The following MRAS variants were observed in gnomAD, a reference collection of about 807,000 sequenced individuals.
MRAS encodes ras-related protein M-Ras.
In MRAS, 4 loss-of-function variants were observed where a neutral mutation model predicts 20.9. The ratio of observed to expected loss-of-function variants is 0.19; its 90% CI spans 0.09 to 0.44. The LOEUF (loss-of-function observed/expected upper bound fraction) is 0.44. Ranked by LOEUF, MRAS falls within the 20% of genes least tolerant of loss-of-function variation. MRAS has a pLI of 0.99. For missense variants in MRAS, 154 were observed against 277.5 expected (o/e 0.56, Z 3.16); for synonymous variants, 98 against 102.9 (o/e 0.95, Z 0.29).
At chr3:138,352,644 C>T (rs1447866348) in intron 1 of MRAS, among the ~76,000 whole-genome samples, 1 of 152,076 alleles carries the variant, frequency 6.6e-6, no homozygotes, top group East Asian at 1.9e-4. Context: ...GCTGAAGTGA[C>T]CTTCTGAGTC....
intron 2 of MRAS, among the ~76,000 whole-genome samples, chr3:138,381,833 T>C (rs2054911552): frequency 1.3e-5 from 2 of 152,176 alleles, no homozygotes; most frequent in South Asian, 2.1e-4. Context: ...ACCTGGCTTT[T>C]CCCCCACACA....
chr3:138,357,016 T>A (rs1411988865), intron 1 of MRAS, among the ~76,000 whole-genome samples: 15 of 152,258 alleles, frequency 9.9e-5, no homozygotes, highest in Non-Finnish European at 2.2e-4. Flanking sequence ...ACAAAGCCTT[T>A]GTTTTATTTC....
intron 2 of MRAS, among the ~76,000 whole-genome samples, chr3:138,376,430 G>T (rs2054784532): frequency 6.6e-6 from 1 of 152,166 alleles, no homozygotes. Flanking sequence ...ATGTCTGAGA[G>T]CAGGGACTTT....
chr3:138,365,197 T>C (rs772107524), intron 1 of MRAS, among the ~76,000 whole-genome samples: 3 of 152,240 alleles, frequency 2.0e-5, no homozygotes, highest in Non-Finnish European at 4.4e-5. Context: ...AATTAAAATA[T>C]TCCAACAGCA....
rs989353518 is a variant in MRAS, at chr3:138,373,979, C to T, written c.193+903C>T. On this transcript the variant is annotated intron_variant, in intron 2 of 5. Transcript: ENST00000423968. ...GTTTGTTTGTTTGTTTTTGGGGGGA[C>T]GGAGTCTCGCTCTGTCACCAGGTTG... 2.2e-4 allele frequency among the ~76,000 whole-genome samples: 34 copies of T among 151,314 alleles called. 1 individual carries two copies. Among genetic ancestry groups the T allele is most frequent in the Admixed American group, 9.2e-4 (14 of 15,182 alleles).
At chr3:138,350,059 T>C (rs988873614) in intron 1 of MRAS, 3 of 152,190 alleles carry the variant, frequency 2.0e-5, no homozygotes, top group African/African-American at 4.8e-5. Flanking sequence ...TTGTAATATA[T>C]TGTTTTATAA....
chr3:138,386,544 C>T (rs772610330), intron 2 of MRAS, among the ~76,000 whole-genome samples: 2 of 152,142 alleles, frequency 1.3e-5, no homozygotes, highest in Admixed American at 6.6e-5. Context: ...AGTGCAGTGG[C>T]GTGACCTTGG....
At chr3:138,388,786 C>G (rs541145270) in intron 2 of MRAS, among the ~76,000 whole-genome samples, 2 of 152,160 alleles carry the variant, frequency 1.3e-5, no homozygotes, top group East Asian at 1.9e-4. Context: ...ATTGTTTTCT[C>G]TATTGCTTGA....
intron 2 of MRAS, among the ~76,000 whole-genome samples, chr3:138,395,584 T>C (rs544725427): frequency 7.9e-5 from 12 of 152,324 alleles, no homozygotes; most frequent in Admixed American, 7.2e-4. Flanking sequence ...ATTTAGTCAC[T>C]GTTCAAATGT....
At chr3:138,398,441 A>T in intron 3 of MRAS, 28 bp from the exon 4 acceptor site, 1 of 1,602,366 alleles carries the variant, frequency 6.2e-7, no homozygotes, top group Non-Finnish European at 8.6e-7. Flanking sequence ...TGGAAACCTC[A>T]CAGAGCTGCT....
At chr3:138,389,672 TC>T (rs2055089602) in intron 2 of MRAS, among the ~76,000 whole-genome samples, 1 of 151,784 alleles carries the variant, frequency 6.6e-6, no homozygotes, top group Admixed American at 6.6e-5. Flanking sequence ...ACACCCTTCT[TC>T]CTGGTGCATG....
intron 1 of MRAS, among the ~76,000 whole-genome samples, chr3:138,363,596 G>A (rs1346266558): frequency 5.9e-5 from 9 of 152,144 alleles, no homozygotes; most frequent in Non-Finnish European, 1.3e-4. Context: ...GGTATCTCTA[G>A]TTCCCAGGAC....
intron 1 of MRAS, among the ~76,000 whole-genome samples, chr3:138,362,391 C>A (rs776178626): frequency 1.3e-5 from 2 of 152,166 alleles, no homozygotes; most frequent in African/African-American, 4.8e-5. Context: ...AACCCTCCCC[C>A]ACAACTTTCT....
chr3:138,359,363 C>T (rs150079214), intron 1 of MRAS, among the ~76,000 whole-genome samples: 7 of 152,298 alleles, frequency 4.6e-5, no homozygotes, highest in Non-Finnish European at 8.8e-5. Flanking sequence ...ATCTCACACT[C>T]ATTGCCATGC....
intron 1 of MRAS, among the ~76,000 whole-genome samples, chr3:138,362,109 G>A (rs1199942085): frequency 6.6e-6 from 1 of 152,152 alleles, no homozygotes; most frequent in Non-Finnish European, 1.5e-5. Context: ...AGGCCAGGTG[G>A]CCAAGTAGCA....
intron 4 of MRAS, 69 bp downstream of exon 4, chr3:138,398,637 G>A (rs1450999701): frequency 7.3e-7 from 1 of 1,377,482 alleles, no homozygotes; most frequent in Admixed American, 1.8e-5. Flanking sequence ...CACCCCTGCA[G>A]TCCTGGTCTT....
intron 2 of MRAS, among the ~76,000 whole-genome samples, chr3:138,384,891 TGA>T (rs1309406719): frequency 4.6e-5 from 7 of 152,292 alleles, no homozygotes; most frequent in Admixed American, 2.0e-4. Context: ...CTAAGCTGCA[TGA>T]GAGACCGGCC....
chr3:138,364,644 G>C (rs530427677), intron 1 of MRAS, among the ~76,000 whole-genome samples: 7 of 152,344 alleles, frequency 4.6e-5, no homozygotes, highest in Admixed American at 1.3e-4. Context: ...GTCCCAAACA[G>C]AGGTGCTAGA....
intron 2 of MRAS, among the ~76,000 whole-genome samples, chr3:138,393,726 G>T (rs967676367): frequency 6.6e-6 from 1 of 151,430 alleles, no homozygotes; most frequent in African/African-American, 2.4e-5. Flanking sequence ...CTTCGCTCTT[G>T]TTGCCTAGGC....
Sources: allele counts gnomAD v4.1 joint callset (sites outside exome capture counted in the v4.1 genomes callset), GRCh38; gene constraint gnomAD v4.1.1; transcripts MANE v1.5; gene names NCBI Gene and HGNC (gene_info 2026-07-23, HGNC 2026-07-21).